NDE1: variants seen among roughly 807,000 people sequenced by gnomAD.
NDE1 encodes nudE neurodevelopment protein 1.
NDE1 carries 28 observed loss-of-function variants against 43.4 expected under a neutral mutation model. The ratio of observed to expected loss-of-function variants is 0.65; its 90% CI spans 0.48 to 0.89. The LOEUF is 0.89. Ranked by LOEUF, NDE1 falls within the 40% of genes least tolerant of loss-of-function variation. The pLI is 0.00. For synonymous variants in NDE1, 184 were observed against 172.0 expected, an observed-to-expected ratio of 1.07 and a Z score of -0.55; for missense variants, 441 against 434.1, an observed-to-expected ratio of 1.02 and a Z score of -0.14.
intron 8 of NDE1, chr16:15,699,550 T>C (rs751589127): frequency 5.1e-6 from 6 of 1,186,046 alleles, no homozygotes; most frequent in Admixed American, 3.6e-5. Context: ...TGTGTGACCT[T>C]GGAATCTGAG....
intron 8 of NDE1, chr16:15,699,628 T>C (rs778734212): frequency 1.6e-6 from 2 of 1,260,928 alleles, no homozygotes; most frequent in South Asian, 1.3e-5. Flanking sequence ...GAGACCCTGC[T>C]CCTGACTCTT....
In NDE1 at chr16:15,671,958, G is replaced by C. The variant is rs1403319755; in HGVS notation, c.237+4519G>C. 2.6e-5 allele frequency among the ~76,000 whole-genome samples: 4 copies of C among 152,060 alleles called. No homozygotes were observed. In the East Asian group the frequency reaches 7.7e-4, roughly 29 times the overall value. On this transcript the variant is annotated intron_variant, in intron 3 of 8. Coordinates refer to ENST00000396354, the MANE Select transcript of NDE1 (RefSeq NM_017668.3). ...CTGCCTCGGCCTCTCAAAGTGCTGG[G>C]ATTACAGGTGTGAGCCACTGCGCCT...
chr16:15,717,099 AC>A (rs550078773), intron 8 of NDE1: 9 of 1,600,360 alleles, frequency 5.6e-6, no homozygotes, highest in South Asian at 2.2e-5. Context: ...GCTGTCCATC[AC>A]CCCCCTGCAA....
At chr16:15,719,204 C>A (rs754187827) in intron 8 of NDE1, 1 of 1,612,120 alleles carries the variant, frequency 6.2e-7, no homozygotes, top group Non-Finnish European at 8.5e-7. Context: ...CCCTCTTCCT[C>A]CATTCAGTTT....
At chr16:15,714,751 C>T (rs1362105094) in intron 8 of NDE1, 1 of 954,364 alleles carries the variant, frequency 1.0e-6, no homozygotes, top group African/African-American at 1.6e-5. Context: ...GTGCCTGGCC[C>T]ACACTAAGCT....
intron 8 of NDE1, among the ~76,000 whole-genome samples, chr16:15,700,922 A>C (rs2039198948): frequency 6.6e-6 from 1 of 152,126 alleles, no homozygotes; most frequent in African/African-American, 2.4e-5. Flanking sequence ...CAGAGAACTT[A>C]ACAGTCACAT....
intron 3 of NDE1, among the ~76,000 whole-genome samples, chr16:15,669,775 A>G (rs1050677248): frequency 2.6e-5 from 4 of 152,110 alleles, no homozygotes; most frequent in African/African-American, 9.7e-5. Flanking sequence ...GATTACAAGC[A>G]TGAGTCACCC....
intron 4 of NDE1, among the ~76,000 whole-genome samples, chr16:15,678,367 A>G (rs1338658442): frequency 1.3e-5 from 2 of 151,950 alleles, no homozygotes; most frequent in Non-Finnish European, 2.9e-5. Flanking sequence ...TTCAAAGAAC[A>G]GTTTTTTGTT....
chr16:15,658,163 C>T (rs752870971), intron 1 of NDE1, among the ~76,000 whole-genome samples: 6 of 152,176 alleles, frequency 3.9e-5, no homozygotes, highest in African/African-American at 7.2e-5. Flanking sequence ...AGATGACCAC[C>T]GGCAGTTTCA....
Position 15,719,128 on chromosome 16 carries a change from G to T in NDE1, c.948-5063G>T. 5.2e-6 allele frequency: 7 copies of T among 1,339,004 alleles called. No homozygotes were observed. In the South Asian group the frequency reaches 8.5e-5, roughly 16 times the overall value. The allele number at this position is 1,339,004 out of a possible 1,614,324, so 82.9% of individuals were successfully genotyped here. A position where few individuals can be genotyped will look rare whatever the true frequency, so the allele number is the denominator to read the frequency against. On this transcript the variant is annotated intron_variant, in intron 8 of 8. Transcript: ENST00000396354. ...GGGTGACAGAATGAAACTCTGTCTC[G>T]AAAAAATTTAAAAAATAAAATGGGG...
rs1284202501 is a variant in NDE1 at position 15,714,939 on chromosome 16, C to T, written c.948-9252C>T. ...CTTGCTCTTGAGTGCGTTCACCTCGCGGCCCATGGCCTCGTTGCTCTCCGT... is the reference window on the plus strand; with the variant it reads ...CTTGCTCTTGAGTGCGTTCACCTCGTGGCCCATGGCCTCGTTGCTCTCCGT... On this transcript the variant is annotated intron_variant, in intron 8 of 8. Coordinates refer to ENST00000396354, the MANE Select transcript of NDE1 (RefSeq NM_017668.3). 7 of 1,613,928 alleles carry T rather than the reference C, an allele frequency of 4.3e-6. No homozygotes were observed. Among genetic ancestry groups the T allele is most frequent in the African/African-American group, 2.7e-5 (2 of 74,922 alleles).
intron 8 of NDE1, among the ~76,000 whole-genome samples, chr16:15,710,199 C>A (rs1026405346): frequency 2.0e-5 from 3 of 152,156 alleles, no homozygotes; most frequent in Non-Finnish European, 4.4e-5. Flanking sequence ...TGGGGCAGAA[C>A]CCACAGGAGG....
At chr16:15,676,303 G>A (rs1417548395) in intron 3 of NDE1, among the ~76,000 whole-genome samples, 12 of 137,538 alleles carry the variant, frequency 8.7e-5, no homozygotes, top group South Asian at 7.4e-4. Context: ...TCCGCCTCCC[G>A]TGTTCAAGCG....
chr16:15,685,682 C>A (rs2038402949), intron 4 of NDE1, among the ~76,000 whole-genome samples: 1 of 152,074 alleles, frequency 6.6e-6, no homozygotes, highest in Admixed American at 6.6e-5. Context: ...CTGATGCAGC[C>A]ATTAATCAGT....
In NDE1 at chr16:15,673,051, ACAT is replaced by A. The variant is rs1343544160; in HGVS notation, c.238-4747_238-4745del. ...ACGCCTCTCTGGCCTAGGCACCATTACATCACCCTGGGTGCATCCGGACTTTCT... is the reference window on the plus strand; with the variant it reads ...ACGCCTCTCTGGCCTAGGCACCATTACACCCTGGGTGCATCCGGACTTTCT... On this transcript the variant is annotated intron_variant, in intron 3 of 8. Coordinates refer to ENST00000396354, the MANE Select transcript of NDE1 (RefSeq NM_017668.3). Among the ~76,000 whole-genome samples, 5 of 152,312 alleles carry A rather than the reference ACAT, an allele frequency of 3.3e-5. No homozygotes were observed. The South Asian group carries it at 8.3e-4, about 25-fold the overall frequency.
At position 15,725,148 on chromosome 16, in the gene NDE1, A is replaced by AAC. The variant is rs34909724; in HGVS notation, c.*911_*912dup. 2.1e-4 allele frequency: 129 copies of AAC among 608,134 alleles called. 1 individual carries two copies. The highest frequency in any genetic ancestry group is 1.7e-3 in the Middle Eastern group (4 of 2,372). 37.7% of individuals were successfully genotyped at this position (608,134 alleles called of 1,614,324 possible). A position where few individuals can be genotyped will look rare whatever the true frequency, so the allele number is the denominator to read the frequency against. On this transcript the variant is annotated 3_prime_UTR_variant, in exon 9 of 9. Transcript: ENST00000396354. ...TGGGACTCTGATAAAAAAAAAAAAA[A>AAC]ACACACACACACACAAAAAAAACAG...
chr16:15,710,210 T>G (rs2039701796), intron 8 of NDE1, among the ~76,000 whole-genome samples: 1 of 152,178 alleles, frequency 6.6e-6, no homozygotes, highest in Non-Finnish European at 1.5e-5. Context: ...CCACAGGAGG[T>G]GTCCAGTGTG....
chr16:15,686,152 A>G (rs1242661701), intron 4 of NDE1, among the ~76,000 whole-genome samples: 2 of 152,082 alleles, frequency 1.3e-5, no homozygotes, highest in Non-Finnish European at 2.9e-5. Context: ...AGGTTTCACC[A>G]TGTCGGCCAG....
intron 3 of NDE1, 36 bp downstream of exon 3, chr16:15,667,475 C>G: frequency 6.2e-7 from 1 of 1,611,664 alleles, no homozygotes; most frequent in Non-Finnish European, 8.5e-7. Flanking sequence ...CAGGTGTAGA[C>G]AGGCGTCCAA....
Sources: allele counts gnomAD v4.1 joint callset (sites outside exome capture counted in the v4.1 genomes callset), GRCh38; gene constraint gnomAD v4.1.1; transcripts MANE v1.5; gene names NCBI Gene and HGNC (gene_info 2026-07-23, HGNC 2026-07-21).